The following DNAH14 variants were observed in gnomAD, a reference collection of about 807,000 sequenced individuals.
The protein encoded by DNAH14 is dynein axonemal heavy chain 14.
A neutral mutation model predicts 520.9 loss-of-function variants in DNAH14; 478 were observed. That is an observed-to-expected ratio of 0.92 (90% CI 0.85 to 0.99). The LOEUF is 0.99. DNAH14 is among the 50% of genes least tolerant of loss of function. DNAH14 has a pLI of 0.00. For synonymous variants in DNAH14, 1,581 were observed against 1,757.2 expected, an observed-to-expected ratio of 0.90 and a Z score of 2.51; for missense variants, 4,831 against 5,234.5, an observed-to-expected ratio of 0.92 and a Z score of 2.38.
chr1:225,030,596 G>T (rs901561145), intron 11 of DNAH14, among the ~76,000 whole-genome samples: 3 of 151,656 alleles, frequency 2.0e-5, no homozygotes, highest in Non-Finnish European at 4.4e-5. Context: ...GTTATATGTT[G>T]GTATTTAATC....
chr1:225,263,130 G>T (rs1290270500), intron 46 of DNAH14, among the ~76,000 whole-genome samples: 1 of 151,488 alleles, frequency 6.6e-6, no homozygotes. Context: ...AGATGGAATT[G>T]TGGAAATGCA....
intron 1 of DNAH14, among the ~76,000 whole-genome samples, chr1:224,944,243 T>G (rs1323930456): frequency 6.6e-6 from 1 of 152,228 alleles, no homozygotes; most frequent in Non-Finnish European, 1.5e-5. Flanking sequence ...CCTTTACCAT[T>G]ATGTAATGGC....
intron 42 of DNAH14, among the ~76,000 whole-genome samples, chr1:225,237,835 C>T (rs920278125): frequency 2.0e-5 from 3 of 152,086 alleles, no homozygotes; most frequent in African/African-American, 7.2e-5. Context: ...CTGTCTTATT[C>T]TTGTCTGCCT....
chr1:225,144,353 A>G (rs1168405328), intron 28 of DNAH14, 44 bp from the exon 29 acceptor site: 1 of 1,398,760 alleles, frequency 7.1e-7, no homozygotes, highest in Non-Finnish European at 9.8e-7. Flanking sequence ...ATACATAAAA[A>G]TAATTTAACC....
chr1:225,371,459 AATGAATG>A (rs2095617902), intron 77 of DNAH14, among the ~76,000 whole-genome samples: 1 of 152,134 alleles, frequency 6.6e-6, no homozygotes, highest in Non-Finnish European at 1.5e-5. Flanking sequence ...TAAAAATAAC[AATGAATG>A]TTATTCCACA....
intron 25 of DNAH14, 136 bp from the exon 26 acceptor site, chr1:225,119,084 C>G: frequency 2.0e-6 from 1 of 503,662 alleles, no homozygotes; most frequent in Non-Finnish European, 3.3e-6. Flanking sequence ...TTAGAAAAAC[C>G]AAAAGGCAGT....
intron 68 of DNAH14, among the ~76,000 whole-genome samples, chr1:225,338,990 T>C (rs1273355396): frequency 6.6e-6 from 1 of 152,096 alleles, no homozygotes; most frequent in East Asian, 1.9e-4. Flanking sequence ...ATCAAATTAT[T>C]ACTCCTTAGA....
chr1:225,155,099 A>G (rs2080897556), intron 34 of DNAH14, among the ~76,000 whole-genome samples: 1 of 152,192 alleles, frequency 6.6e-6, no homozygotes, highest in Non-Finnish European at 1.5e-5. Flanking sequence ...TTTTCACTTA[A>G]CAGATGGACA....
At chr1:225,147,877 A>G (rs1347183579) in intron 31 of DNAH14, among the ~76,000 whole-genome samples, 5 of 152,212 alleles carry the variant, frequency 3.3e-5, no homozygotes, top group Admixed American at 1.3e-4. Flanking sequence ...TACAAGTGAG[A>G]ACATGAGGTA....
At chr1:225,307,359 C>T in intron 58 of DNAH14, 102 bp from the exon 59 acceptor site, 1 of 795,758 alleles carries the variant, frequency 1.3e-6, no homozygotes, top group Non-Finnish European at 2.0e-6. Context: ...GAATAAAATC[C>T]ATTTGGCCAT....
chr1:225,109,039 G>A (rs564219699), intron 23 of DNAH14, among the ~76,000 whole-genome samples: 18 of 152,136 alleles, frequency 1.2e-4, no homozygotes, highest in African/African-American at 3.1e-4. Flanking sequence ...GTACGGATTC[G>A]TTTCTGGATT....
At chr1:225,290,659 A>C (rs1310144918) in intron 55 of DNAH14, among the ~76,000 whole-genome samples, 1 of 78,040 alleles carries the variant, frequency 1.3e-5, no homozygotes, top group Non-Finnish European at 2.3e-5. Flanking sequence ...ATATATATAT[A>C]TATATATATA....
chr1:225,339,429 A>T (rs1444469200), intron 68 of DNAH14, among the ~76,000 whole-genome samples: 2 of 152,240 alleles, frequency 1.3e-5, no homozygotes, highest in African/African-American at 4.8e-5. Context: ...ATGGCTTTTT[A>T]AAGTGGGCTA....
At chr1:225,194,672 G>A (rs1286833207) in intron 38 of DNAH14, among the ~76,000 whole-genome samples, 2 of 151,916 alleles carry the variant, frequency 1.3e-5, no homozygotes, top group Non-Finnish European at 2.9e-5. Context: ...TTGATAATTG[G>A]GACCTAATTA....
chr1:225,021,534 A>G (rs530961735), intron 10 of DNAH14, among the ~76,000 whole-genome samples: 3 of 152,262 alleles, frequency 2.0e-5, no homozygotes, highest in African/African-American at 7.2e-5. Context: ...GCCATTCACA[A>G]TAGCCACAAT....
rs1159060942 is a variant in DNAH14, at chr1:225,346,550, T to C, written c.11192T>C (p.Ile3731Thr). 1.3e-6 allele frequency: 2 copies of C among 1,551,276 alleles called. No individual in the cohort carries two copies. Among genetic ancestry groups the C allele is most frequent in the South Asian group, 1.2e-5 (1 of 84,040 alleles). The change falls in exon 71 of 86, where the codon ATA becomes ACA. Residue 3731 changes from isoleucine (I) to threonine (T), a missense_variant. By Grantham distance (89) the Ile-to-Thr change is moderately conservative. Coordinates refer to ENST00000682510, the MANE Select transcript of DNAH14 (RefSeq NM_001367479.1). ...IMQNNANGNL[I>T]QDDIGFLPEE... ...CAAAACAATGCTAATGGAAATCTAA[T>C]ACAGGATGACATTGGATTCCTACCA...
chr1:225,213,614 G>T (rs563832147), intron 41 of DNAH14, among the ~76,000 whole-genome samples: 1 of 152,188 alleles, frequency 6.6e-6, no homozygotes, highest in South Asian at 2.1e-4. Context: ...CCTTGAAGAG[G>T]TCCTTCACAT....
intron 66 of DNAH14, among the ~76,000 whole-genome samples, chr1:225,336,027 GTATATACA>G (rs2095037667): frequency 9.2e-6 from 1 of 109,258 alleles, no homozygotes; most frequent in Non-Finnish European, 1.8e-5. Context: ...ATGCATATAT[GTATATACA>G]CACATATATG....
intron 17 of DNAH14, among the ~76,000 whole-genome samples, chr1:225,073,693 GT>G (rs373166680): frequency 6.6e-6 from 1 of 151,870 alleles, no homozygotes; most frequent in Non-Finnish European, 1.5e-5. Context: ...TTTTGTTTTT[GT>G]TTTTTGTTTT....
Sources: gnomAD v4.1 joint callset for allele counts (sites outside exome capture counted in the v4.1 genomes callset) on GRCh38, gnomAD v4.1.1 for gene constraint, MANE v1.5 for transcripts, NCBI Gene and HGNC (gene_info 2026-07-23, HGNC 2026-07-21) for gene names.